BACH2: variants seen among roughly 807,000 people sequenced by gnomAD.
BACH2 encodes the protein BACH transcriptional regulator 2, also known as transcription regulator protein BACH2.
A neutral mutation model predicts 61.8 loss-of-function variants in BACH2; 5 were observed. That is an observed-to-expected ratio of 0.08 (90% CI 0.04 to 0.17). The LOEUF (loss-of-function observed/expected upper bound fraction) is 0.17. Among genes scored for constraint, BACH2 ranks in the 10% least tolerant of loss-of-function variants. The pLI, the probability that BACH2 is intolerant of heterozygous loss-of-function variation, is 1.00. For missense variants in BACH2, 824 were observed against 1,091.1 expected (o/e 0.76, Z 3.45); for synonymous variants, 446 against 440.1 (o/e 1.01, Z -0.17).
rs367777607 is a variant in BACH2 at position 90,013,588 on chromosome 6, G to C, written c.-12-4732C>G. Among the ~76,000 whole-genome samples, 40 of 149,144 alleles carry C rather than the reference G, an allele frequency of 2.7e-4. No individual in the cohort carries two copies. In the East Asian group the frequency reaches 4.2e-3, roughly 16 times the overall value. On this transcript the variant is annotated intron_variant, in intron 5 of 8. Coordinates refer to ENST00000257749, the MANE Select transcript of BACH2 (RefSeq NM_021813.4). ...GTGGCGCGATCTCGGCTCACTGCAA[G>C]CTCTGCCTCCTGGGTTCACGCCATT...
intron 5 of BACH2, among the ~76,000 whole-genome samples, chr6:90,059,614 C>T (rs563271362): frequency 6.6e-6 from 1 of 152,100 alleles, no homozygotes; most frequent in East Asian, 1.9e-4. Context: ...ACCCAGCCAT[C>T]CCATTACTGG....
At chr6:90,088,032 C>T (rs1401151152) in intron 5 of BACH2, among the ~76,000 whole-genome samples, 1 of 151,860 alleles carries the variant, frequency 6.6e-6, no homozygotes, top group Admixed American at 6.6e-5. Context: ...GCCCCCAACC[C>T]CCACTACCCT....
intron 6 of BACH2, among the ~76,000 whole-genome samples, chr6:89,994,923 A>T (rs1776765722): frequency 4.6e-5 from 7 of 152,220 alleles, no homozygotes. Context: ...TCGTATGTAC[A>T]CACCACTTGC....
intron 6 of BACH2, among the ~76,000 whole-genome samples, chr6:89,995,623 A>G (rs560595227): frequency 6.6e-6 from 1 of 152,328 alleles, no homozygotes; most frequent in South Asian, 2.1e-4. Context: ...GTATAATAAT[A>G]GTGTCCATCA....
At chr6:90,029,320 T>G (rs1471411769) in intron 5 of BACH2, among the ~76,000 whole-genome samples, 1 of 152,130 alleles carries the variant, frequency 6.6e-6, no homozygotes, top group African/African-American at 2.4e-5. Flanking sequence ...TCTCCTTATG[T>G]GTGAAATGAA....
intron 4 of BACH2, among the ~76,000 whole-genome samples, chr6:90,152,028 C>T (rs2127830192): frequency 6.6e-6 from 1 of 152,322 alleles, no homozygotes; most frequent in South Asian, 2.1e-4. Flanking sequence ...CTATTAATGG[C>T]ATTTTAGCAA....
At chr6:90,017,606 C>T (rs76363281) in intron 5 of BACH2, among the ~76,000 whole-genome samples, 27,895 of 152,068 alleles carry the variant, frequency 0.18, 3,694 homozygotes, top group African/African-American at 0.37. Context: ...TCTTTTCCAG[C>T]ATAATTTTCA....
chr6:90,210,187 T>C (rs1429225905), intron 3 of BACH2, among the ~76,000 whole-genome samples: 4 of 152,176 alleles, frequency 2.6e-5, no homozygotes, highest in African/African-American at 4.8e-5. Context: ...AAAAGAATTT[T>C]TCCTGGTTCT....
At chr6:89,933,099 T>C (rs1772776161) in intron 8 of BACH2, among the ~76,000 whole-genome samples, 1 of 151,976 alleles carries the variant, frequency 6.6e-6, no homozygotes, top group Non-Finnish European at 1.5e-5. Flanking sequence ...GCCAACACCT[T>C]CCCCAGGACA....
intron 1 of BACH2, among the ~76,000 whole-genome samples, chr6:90,295,920 T>G (rs2127897055): frequency 1.3e-5 from 2 of 152,208 alleles, no homozygotes; most frequent in East Asian, 2.0e-4. Context: ...CGGCGGCGGC[T>G]GACAGCTGAG....
intron 8 of BACH2, among the ~76,000 whole-genome samples, chr6:89,933,963 G>A (rs908309241): frequency 4.6e-5 from 7 of 151,438 alleles, no homozygotes; most frequent in African/African-American, 1.7e-4. Flanking sequence ...CACCCTGGGT[G>A]ATACAGTGAG....
At chr6:89,943,996 C>T (rs954315451) in intron 7 of BACH2, among the ~76,000 whole-genome samples, 2 of 152,234 alleles carry the variant, frequency 1.3e-5, no homozygotes, top group Admixed American at 1.3e-4. Flanking sequence ...GGACAGCCAG[C>T]TCAGTGCTGG....
chr6:90,289,658 A>G (rs1332603240), intron 1 of BACH2, among the ~76,000 whole-genome samples: 1 of 152,140 alleles, frequency 6.6e-6, no homozygotes, highest in Non-Finnish European at 1.5e-5. Context: ...GAAAAATAGC[A>G]AAAAACAAAA....
chr6:90,030,122 G>A (rs568769322), intron 5 of BACH2, among the ~76,000 whole-genome samples: 1 of 152,146 alleles, frequency 6.6e-6, no homozygotes, highest in Non-Finnish European at 1.5e-5. Context: ...CCTGGTAAAA[G>A]CTTGTGTGCT....
chr6:89,972,093 G>T (rs1047613573), intron 6 of BACH2, among the ~76,000 whole-genome samples: 1 of 152,228 alleles, frequency 6.6e-6, no homozygotes, highest in African/African-American at 2.4e-5. Flanking sequence ...ATAGCATGCA[G>T]TGTGGTGTGG....
At chr6:90,176,663 T>C (rs1367971332) in intron 4 of BACH2, among the ~76,000 whole-genome samples, 2 of 152,160 alleles carry the variant, frequency 1.3e-5, no homozygotes, top group Non-Finnish European at 2.9e-5. Flanking sequence ...CCTTCCACTT[T>C]TTCTACAAGC....
At chr6:90,058,443 A>G (rs1006467575) in intron 5 of BACH2, among the ~76,000 whole-genome samples, 1 of 152,238 alleles carries the variant, frequency 6.6e-6, no homozygotes, top group Admixed American at 6.5e-5. Flanking sequence ...TTCAAGGAGA[A>G]CTACAAACCA....
chr6:90,095,750 T>C (rs1377682036), intron 4 of BACH2, among the ~76,000 whole-genome samples: 2 of 147,018 alleles, frequency 1.4e-5, no homozygotes, highest in African/African-American at 5.2e-5. Flanking sequence ...TGATACATCA[T>C]CACCATCACC....
At chr6:90,060,706 T>A (rs1237291381) in intron 5 of BACH2, among the ~76,000 whole-genome samples, 1 of 152,184 alleles carries the variant, frequency 6.6e-6, no homozygotes, top group Admixed American at 6.5e-5. Flanking sequence ...GATAATCTTT[T>A]TTGAAAGCTC....
Sources: allele counts gnomAD v4.1 joint callset (sites outside exome capture counted in the v4.1 genomes callset), GRCh38; gene constraint gnomAD v4.1.1; transcripts MANE v1.5; gene names NCBI Gene and HGNC (gene_info 2026-07-23, HGNC 2026-07-21).